The following SLC31A2 variants were observed in gnomAD, a reference collection of about 807,000 sequenced individuals.
SLC31A2 encodes solute carrier family 31 member 2.
In SLC31A2, 16 loss-of-function variants were observed where a neutral mutation model predicts 14.4. The ratio of observed to expected loss-of-function variants is 1.11; its 90% CI spans 0.75 to 1.69. The LOEUF is 1.69. Among genes scored for constraint, SLC31A2 ranks in the 40% most tolerant of loss-of-function variants. The pLI is 0.00. For missense variants in SLC31A2, 140 were observed against 173.9 expected, an observed-to-expected ratio of 0.81 and a Z score of 1.10; for synonymous variants, 56 against 68.7, an observed-to-expected ratio of 0.82 and a Z score of 0.91.
intron 2 of SLC31A2, among the ~76,000 whole-genome samples, chr9:113,160,358 TA>T (rs56137331): frequency 0.82 from 124,398 of 151,792 alleles, 51,071 homozygotes; most frequent in South Asian, 0.89. Context: ...CCTGTCCTTT[TA>T]AAAAAAATTA....
rs1300370311 is a variant in SLC31A2 at position 113,151,341 on chromosome 9, G to A, written c.6+261G>A. 6.6e-6 allele frequency among the ~76,000 whole-genome samples: 1 copy of A among 152,052 alleles called. No individual in the cohort carries two copies. Among genetic ancestry groups the A allele is most frequent in the Non-Finnish European group, 1.5e-5 (1 of 68,010 alleles). On this transcript the variant is annotated intron_variant, in intron 1 of 3. Transcript: ENST00000259392. The surrounding 1 kb of genome is among the most constrained non-coding windows in gnomAD (Gnocchi z 4.2). Reference sequence around the variant, plus strand: ...GCAGTTACCGAGCGCCCGCGGTGGCGCGGCTTGAGAGTGGGGGCGCGGTGG... The same window carrying A: ...GCAGTTACCGAGCGCCCGCGGTGGCACGGCTTGAGAGTGGGGGCGCGGTGG...
intron 3 of SLC31A2, chr9:113,161,990 C>A: frequency 2.0e-6 from 1 of 494,694 alleles, no homozygotes; most frequent in South Asian, 1.9e-5. Context: ...TGGCCACCCA[C>A]CCTCCCCCAA....
rs1830037843 is a variant in SLC31A2, at chr9:113,162,873, G to T, written c.388G>T (p.Ala130Ser). Residue 130 changes from alanine to serine, a missense_variant, in exon 4 of 4, where the codon GCT (alanine) becomes TCT (serine). By Grantham distance (99) the Ala-to-Ser change is moderately conservative. Transcript: ENST00000259392. ...WIFLGVVLGS[A>S]VGYYLAYPLL... Reference sequence around the variant, plus strand: ...TTTCCTTGGTGTGGTCTTGGGCTCTGCTGTGGGCTACTACCTAGCTTACCC... The same window carrying T: ...TTTCCTTGGTGTGGTCTTGGGCTCTTCTGTGGGCTACTACCTAGCTTACCC... The T allele has an allele frequency of 6.2e-7, 1 of 1,612,968 alleles. No homozygotes were observed. Among genetic ancestry groups the T allele is most frequent in the African/African-American group, 1.3e-5 (1 of 74,876 alleles).
In SLC31A2 at chr9:113,156,130, C is replaced by T. The variant is rs757368940; in HGVS notation, c.7-1597C>T. 5.8e-6 allele frequency: 3 copies of T among 518,336 alleles called. No individual in the cohort carries two copies. The Admixed American group carries it at 5.8e-5, about 10-fold the overall frequency. 32.1% of individuals were successfully genotyped at this position (518,336 alleles called of 1,614,324 possible). On this transcript the variant is annotated intron_variant, in intron 1 of 3. Transcript: ENST00000259392. ...CAGCTAATCAAATCTGCCTACCTTT[C>T]CACCCCCACACTGACGTTTGCCTCC... is the stretch of plus-strand genomic sequence containing the variant.
At chr9:113,158,063 G>C (rs1372876563) in intron 2 of SLC31A2, 1 of 544,152 alleles carries the variant, frequency 1.8e-6, no homozygotes, top group Admixed American at 2.2e-5. Context: ...CTAAAGCCCA[G>C]AGACAGGAAG....
chr9:113,152,690 G>A (rs1192955516), intron 1 of SLC31A2, among the ~76,000 whole-genome samples: 1 of 152,102 alleles, frequency 6.6e-6, no homozygotes, highest in East Asian at 1.9e-4. Flanking sequence ...GCTCCCTAAG[G>A]GCCAAAGACT....
At chr9:113,153,612 C>T (rs911516636) in intron 1 of SLC31A2, among the ~76,000 whole-genome samples, 1 of 152,140 alleles carries the variant, frequency 6.6e-6, no homozygotes, top group African/African-American at 2.4e-5. Context: ...TAGGCACCTG[C>T]GGAGATGTCA....
chr9:113,151,028 A>T lies in SLC31A2; in HGVS notation c.-47A>T. ...GGTTGAACTGACTCGGAGCGAGGAG[A>T]CCCGAGCGAGCAGACGCGGCCCTGG... is the stretch of plus-strand genomic sequence containing the variant. On this transcript the variant is annotated 5_prime_UTR_variant, in exon 1 of 4. Coordinates refer to ENST00000259392, the MANE Select transcript of SLC31A2 (RefSeq NM_001860.3). This position sits in a 1 kb window ranked among gnomAD's most constrained non-coding sequence, Gnocchi z 4.2. 2 of 1,296,694 alleles carry T rather than the reference A, an allele frequency of 1.5e-6. No individual in the cohort carries two copies. Among genetic ancestry groups the T allele is most frequent in the Non-Finnish European group, 2.0e-6 (2 of 1,017,038 alleles). The allele number at this position is 1,296,694 out of a possible 1,614,324, so 80.3% of individuals were successfully genotyped here. A position where few individuals can be genotyped will look rare whatever the true frequency, so the allele number is the denominator to read the frequency against.
chr9:113,161,862 A>G, intron 3 of SLC31A2, 164 bp downstream of exon 3: 1 of 751,458 alleles, frequency 1.3e-6, no homozygotes, highest in South Asian at 1.5e-5. Context: ...ACTAGAGCTC[A>G]TGTCTCCTGA....
At chr9:113,159,023 G>T (rs779510182) in intron 2 of SLC31A2, among the ~76,000 whole-genome samples, 3 of 152,218 alleles carry the variant, frequency 2.0e-5, no homozygotes, top group African/African-American at 7.2e-5. Context: ...AACAGTATGC[G>T]TAGATAGGAT....
chr9:113,160,455 C>T (rs570526087), intron 2 of SLC31A2, among the ~76,000 whole-genome samples: 8 of 152,322 alleles, frequency 5.3e-5, no homozygotes, highest in South Asian at 4.1e-4. Flanking sequence ...ATCAGGGTGA[C>T]TGGGGTGTTT....
chr9:113,151,022 G>T lies in SLC31A2; in HGVS notation c.-53G>T. The T allele has an allele frequency of 3.1e-6, 4 of 1,294,586 alleles. No homozygotes were observed. Among genetic ancestry groups the T allele is most frequent in the Non-Finnish European group, 3.9e-6 (4 of 1,016,066 alleles). 80.2% of individuals were successfully genotyped at this position (1,294,586 alleles called of 1,614,324 possible). ...GGCGGCGGTTGAACTGACTCGGAGC[G>T]AGGAGACCCGAGCGAGCAGACGCGG... On this transcript the variant is annotated 5_prime_UTR_variant, in exon 1 of 4. Coordinates refer to ENST00000259392, the MANE Select transcript of SLC31A2 (RefSeq NM_001860.3). This position sits in a 1 kb window ranked among gnomAD's most constrained non-coding sequence, Gnocchi z 4.2.
chr9:113,153,829 T>G (rs182539643), intron 1 of SLC31A2, among the ~76,000 whole-genome samples: 1 of 152,304 alleles, frequency 6.6e-6, no homozygotes, highest in Non-Finnish European at 1.5e-5. Flanking sequence ...CTTTTGGCAC[T>G]GAAAGGCATG....
At chr9:113,158,551 G>A (rs1394855269) in intron 2 of SLC31A2, among the ~76,000 whole-genome samples, 4 of 152,182 alleles carry the variant, frequency 2.6e-5, no homozygotes, top group African/African-American at 9.7e-5. Flanking sequence ...TGGAAGTAGG[G>A]TCATTTGGAA....
Position 113,162,947 on chromosome 9 carries a change from G to A in SLC31A2, c.*30G>A. 1 of 1,546,136 alleles carries A rather than the reference G, an allele frequency of 6.5e-7. No individual in the cohort carries two copies. On this transcript the variant is annotated 3_prime_UTR_variant, in exon 4 of 4. Transcript: ENST00000259392. ...TGAGGAACGTGCAGGCACTGAGGCT[G>A]GAGGGACATGGAGCCCCCTCTTCCA... is the stretch of plus-strand genomic sequence containing the variant.
intron 2 of SLC31A2, among the ~76,000 whole-genome samples, chr9:113,158,699 C>T (rs530035617): frequency 8.5e-5 from 13 of 152,222 alleles, no homozygotes; most frequent in East Asian, 5.8e-4. Flanking sequence ...ATTCCAAGAT[C>T]GAGTGTCGCA....
At chr9:113,153,173 A>G (rs956126058) in intron 1 of SLC31A2, among the ~76,000 whole-genome samples, 1 of 150,356 alleles carries the variant, frequency 6.7e-6, no homozygotes, top group African/African-American at 2.4e-5. Context: ...GTAAGACTCA[A>G]AATGATTTTT....
chr9:113,159,787 G>A (rs1829984062), intron 2 of SLC31A2, among the ~76,000 whole-genome samples: 1 of 152,170 alleles, frequency 6.6e-6, no homozygotes, highest in Non-Finnish European at 1.5e-5. Context: ...CCGTACTTCT[G>A]GCCAACTGGC....
rs1257486410 is a variant in SLC31A2 at position 113,163,024 on chromosome 9, T to C, written c.*107T>C. ...TTCTGATGGCTATTCCTCCACCTTATTCCCAGCCCCTGGAAACTTTGAGCT... is the reference window on the plus strand; with the variant it reads ...TTCTGATGGCTATTCCTCCACCTTACTCCCAGCCCCTGGAAACTTTGAGCT... On this transcript the variant is annotated 3_prime_UTR_variant, in exon 4 of 4. Coordinates refer to ENST00000259392, the MANE Select transcript of SLC31A2 (RefSeq NM_001860.3). 1 of 1,095,308 alleles carries C rather than the reference T, an allele frequency of 9.1e-7. No homozygotes were observed. The highest frequency in any genetic ancestry group is 2.9e-5 in the East Asian group (1 of 34,412). The allele number at this position is 1,095,308 out of a possible 1,614,324, so 67.8% of individuals were successfully genotyped here.
Sources: gnomAD v4.1 joint callset for allele counts (sites outside exome capture counted in the v4.1 genomes callset) on GRCh38, gnomAD v4.1.1 for gene constraint, Gnocchi (gnomAD v3.1) non-coding constraint, MANE v1.5 for transcripts, NCBI Gene and HGNC (gene_info 2026-07-23, HGNC 2026-07-21) for gene names.